KDM4C: variants seen among roughly 807,000 people sequenced by gnomAD.
KDM4C encodes lysine-specific demethylase 4C.
Under a neutral mutation model 129.3 loss-of-function variants are expected in KDM4C, and 81 were observed. The observed-to-expected ratio is 0.63, with a 90% confidence interval of 0.52 to 0.75. The LOEUF (loss-of-function observed/expected upper bound fraction) is 0.75. Ranked by LOEUF, KDM4C falls within the 30% of genes least tolerant of loss-of-function variation. The probability of loss-of-function intolerance (pLI) is 0.00; values close to 1 mark genes in which losing one functional copy is unlikely to be tolerated. For missense variants in KDM4C, 1,457 were observed against 1,304.0 expected (o/e 1.12, Z -1.81); for synonymous variants, 573 against 456.1 (o/e 1.26, Z -3.26).
chr9:6,743,191 C>A (rs1817759232), intron 1 of KDM4C, among the ~76,000 whole-genome samples: 1 of 152,102 alleles, frequency 6.6e-6, no homozygotes, highest in South Asian at 2.1e-4. Context: ...ATCAATCAAT[C>A]CTCTTGTCTT....
chr9:6,834,668 G>T, intron 4 of KDM4C: 2 of 810,826 alleles, frequency 2.5e-6, no homozygotes. Context: ...GTGCCTCATC[G>T]AGCATGGCAT....
intron 1 of KDM4C, among the ~76,000 whole-genome samples, chr9:6,745,537 G>C (rs1009186296): frequency 1.3e-5 from 2 of 148,378 alleles, no homozygotes; most frequent in African/African-American, 2.5e-5. Flanking sequence ...CACAGAGGAG[G>C]TGTGATGGCA....
intron 1 of KDM4C, among the ~76,000 whole-genome samples, chr9:6,742,123 C>T (rs1410995224): frequency 2.0e-5 from 3 of 150,510 alleles, no homozygotes; most frequent in Non-Finnish European, 4.4e-5. Context: ...GAGGTGTGTG[C>T]CACCATGCCT....
chr9:6,799,101 G>T (rs542708136), intron 2 of KDM4C, among the ~76,000 whole-genome samples: 1,531 of 151,770 alleles, frequency 0.01, 24 homozygotes, highest in African/African-American at 0.034. Flanking sequence ...AGGCAGAGGG[G>T]CTCCTCACGT....
At chr9:6,781,911 G>C (rs1442665924) in intron 1 of KDM4C, among the ~76,000 whole-genome samples, 5 of 151,408 alleles carry the variant, frequency 3.3e-5, no homozygotes, top group Non-Finnish European at 7.4e-5. Context: ...TGCAGTCTCA[G>C]CCTCCTGGGT....
intron 15 of KDM4C, among the ~76,000 whole-genome samples, chr9:7,033,371 T>C (rs1827106740): frequency 6.6e-6 from 1 of 152,192 alleles, no homozygotes; most frequent in Non-Finnish European, 1.5e-5. Context: ...TGGACAGGAC[T>C]CTCCTCTCTC....
intron 15 of KDM4C, among the ~76,000 whole-genome samples, chr9:7,042,706 G>A (rs188086551): frequency 1.3e-5 from 2 of 152,134 alleles, no homozygotes; most frequent in Admixed American, 1.3e-4. Flanking sequence ...ATTGCTTCTT[G>A]TTTATTTTTG....
intron 17 of KDM4C, chr9:7,076,766 T>C: frequency 9.1e-7 from 1 of 1,102,068 alleles, no homozygotes; most frequent in Non-Finnish European, 1.1e-6. Context: ...ACTTTCTGTA[T>C]CCTAGAGTTT....
intron 4 of KDM4C, among the ~76,000 whole-genome samples, chr9:6,821,755 C>T (rs1014264101): frequency 6.6e-6 from 1 of 152,082 alleles, no homozygotes; most frequent in Non-Finnish European, 1.5e-5. Context: ...CTGCCTTAGC[C>T]TCCCGAGTAG....
chr9:7,035,494 A>G (rs1827486377), intron 15 of KDM4C, among the ~76,000 whole-genome samples: 1 of 150,992 alleles, frequency 6.6e-6, no homozygotes, highest in Non-Finnish European at 1.5e-5. Flanking sequence ...CGCTTGATAT[A>G]TCCCATTTGT....
At chr9:6,810,199 A>T (rs2131089305) in intron 3 of KDM4C, among the ~76,000 whole-genome samples, 1 of 152,266 alleles carries the variant, frequency 6.6e-6, no homozygotes, top group Non-Finnish European at 1.5e-5. Flanking sequence ...AGATAATTTT[A>T]CTGAGTACAC....
chr9:7,061,889 A>C (rs1831730755), intron 17 of KDM4C, among the ~76,000 whole-genome samples: 1 of 152,164 alleles, frequency 6.6e-6, no homozygotes, highest in South Asian at 2.1e-4. Context: ...TCCGTACATT[A>C]CCCCTCACCC....
intron 1 of KDM4C, among the ~76,000 whole-genome samples, chr9:6,781,987 G>A (rs1379880836): frequency 6.6e-6 from 1 of 151,904 alleles, no homozygotes; most frequent in East Asian, 1.9e-4. Context: ...ACCATGCCCG[G>A]CTAATTTTTG....
intron 1 of KDM4C, among the ~76,000 whole-genome samples, chr9:6,744,072 C>T (rs1161487171): frequency 1.5e-5 from 2 of 132,782 alleles, no homozygotes; most frequent in African/African-American, 2.8e-5. Context: ...TGTAAAAAAT[C>T]AGCTTCATCC....
At chr9:6,864,822 T>C (rs190454316) in intron 5 of KDM4C, among the ~76,000 whole-genome samples, 57 of 151,582 alleles carry the variant, frequency 3.8e-4, no homozygotes, top group Middle Eastern at 3.4e-3. Context: ...TTTTTTTAAT[T>C]TATTTTTTTT....
chr9:7,073,886 G>A (rs540466708), intron 17 of KDM4C, among the ~76,000 whole-genome samples: 2 of 152,124 alleles, frequency 1.3e-5, no homozygotes, highest in Admixed American at 6.5e-5. Flanking sequence ...GCAGAGAGAC[G>A]CATACATCTA....
At chr9:6,999,032 A>G (rs1204906705) in intron 12 of KDM4C, among the ~76,000 whole-genome samples, 1 of 152,186 alleles carries the variant, frequency 6.6e-6, no homozygotes, top group Non-Finnish European at 1.5e-5. Context: ...TTACTACACA[A>G]GCTGGCTCTC....
chr9:6,767,137 C>G (rs1563958049), intron 1 of KDM4C, among the ~76,000 whole-genome samples: 1 of 150,272 alleles, frequency 6.7e-6, no homozygotes, highest in East Asian at 2.0e-4. Context: ...TTCTTTTTTG[C>G]TTTTTTTTTA....
rs1477487723 is a variant in KDM4C at position 7,052,898 on chromosome 9, A to AGAGAGC, written c.2424+3701_2424+3702insAGCGAG. 2.7e-4 allele frequency among the ~76,000 whole-genome samples: 13 copies of AGAGAGC among 47,610 alleles called. 1 individual carries two copies. Among genetic ancestry groups the AGAGAGC allele is most frequent in the Non-Finnish European group, 6.3e-4 (9 of 14,396 alleles). The allele number at this position is 47,610 out of a possible 152,430, so 31.2% of individuals were successfully genotyped here. ...GAGAGAGAGAGAGAGAGAGAGAGAG[A>AGAGAGC]GAGCGAGCGAGTGCCCAAGGGATGA... On this transcript the variant is annotated intron_variant, in intron 17 of 21. Transcript: ENST00000381309.
Sources: gnomAD v4.1 joint callset for allele counts (sites outside exome capture counted in the v4.1 genomes callset) on GRCh38, gnomAD v4.1.1 for gene constraint, MANE v1.5 for transcripts, NCBI Gene and HGNC (gene_info 2026-07-23, HGNC 2026-07-21) for gene names.